The following AGBL4 variants were observed in gnomAD, a reference collection of about 807,000 sequenced individuals.
The protein encoded by AGBL4 is AGBL carboxypeptidase 4, also known as cytosolic carboxypeptidase 6.
Under a neutral mutation model 66.4 loss-of-function variants are expected in AGBL4, and 58 were observed. That is an observed-to-expected ratio of 0.87 (90% confidence interval 0.71 to 1.09). The LOEUF is 1.09. AGBL4 is among the 50% of genes least tolerant of loss of function. The probability of loss-of-function intolerance (pLI) is 0.00; values close to 1 mark genes in which losing one functional copy is unlikely to be tolerated. For missense variants in AGBL4, 579 were observed against 631.0 expected (o/e 0.92, Z 0.88); for synonymous variants, 234 against 222.9 (o/e 1.05, Z -0.44).
chr1:49,591,221 CA>C (rs958834271), intron 3 of AGBL4, among the ~76,000 whole-genome samples: 39 of 150,532 alleles, frequency 2.6e-4, no homozygotes, highest in Non-Finnish European at 4.9e-4. Context: ...TCAATGAAAC[CA>C]AAAGTTGTTT....
chr1:49,600,477 A>G (rs1264089418), intron 3 of AGBL4, among the ~76,000 whole-genome samples: 1 of 151,978 alleles, frequency 6.6e-6, no homozygotes, highest in Non-Finnish European at 1.5e-5. Context: ...ATATTCCTCC[A>G]CCAATTATTT....
chr1:49,326,751 G>GA (rs1440923301), intron 3 of AGBL4, among the ~76,000 whole-genome samples: 1 of 152,056 alleles, frequency 6.6e-6, no homozygotes, highest in Non-Finnish European at 1.5e-5. Flanking sequence ...TTTACATTAG[G>GA]AAAAATAGAA....
At chr1:49,602,266 C>A (rs1435268779) in intron 3 of AGBL4, among the ~76,000 whole-genome samples, 2 of 152,196 alleles carry the variant, frequency 1.3e-5, no homozygotes, top group South Asian at 4.2e-4. Flanking sequence ...TTAGTTCAAC[C>A]ATTGTGGAGG....
At chr1:49,511,006 G>GTATATACA (rs1418650690) in intron 3 of AGBL4, among the ~76,000 whole-genome samples, 1 of 151,852 alleles carries the variant, frequency 6.6e-6, no homozygotes, top group Non-Finnish European at 1.5e-5. Context: ...ATAGTTTGAA[G>GTATATACA]TCAGGTAGTG....
chr1:48,534,114 A>G lies in AGBL4; in HGVS notation c.*59T>C, dbSNP rs1643931782. 1.3e-6 allele frequency: 2 copies of G among 1,550,442 alleles called. No individual in the cohort carries two copies. The highest frequency in any genetic ancestry group is 2.0e-5 in the Admixed American group (1 of 50,984). ...AAGCTAGAGAAGAGTGATTAATTTC[A>G]TTCCCCAGCAGAAAATGCATGCTCC... On this transcript the variant is annotated 3_prime_UTR_variant, in exon 14 of 14. Transcript: ENST00000371839.
chr1:49,068,025 C>G (rs948865977), intron 4 of AGBL4, among the ~76,000 whole-genome samples: 6 of 151,634 alleles, frequency 4.0e-5, no homozygotes, highest in Non-Finnish European at 7.4e-5. Flanking sequence ...GAGGGAGGCA[C>G]TCAGTACCTA....
At chr1:49,724,342 T>G (rs1648847125) in intron 2 of AGBL4, among the ~76,000 whole-genome samples, 1 of 152,194 alleles carries the variant, frequency 6.6e-6, no homozygotes, top group African/African-American at 2.4e-5. Context: ...AAATACTTGC[T>G]CCACAAGTAT....
intron 3 of AGBL4, among the ~76,000 whole-genome samples, chr1:49,496,236 CTT>C (rs967941008): frequency 6.6e-5 from 10 of 151,594 alleles, no homozygotes; most frequent in Non-Finnish European, 1.3e-4. Context: ...AAAATGGAGT[CTT>C]TTTTTTCAAT....
rs538607278 is a variant in AGBL4, at chr1:49,735,998, GA to G, written c.158-38562del. Reference sequence around the variant, plus strand: ...CTGAAATCTCCAATCTAGCAACAGAGAAAAAAAATGAAAAAAATTTAATAGA... The same window carrying G: ...CTGAAATCTCCAATCTAGCAACAGAGAAAAAAATGAAAAAAATTTAATAGA... On this transcript the variant is annotated intron_variant, in intron 2 of 13. Coordinates refer to ENST00000371839, the MANE Select transcript of AGBL4 (RefSeq NM_032785.4). Among the ~76,000 whole-genome samples, 54 of 150,384 alleles carry G rather than the reference GA, an allele frequency of 3.6e-4. 1 individual carries two copies. The South Asian group carries it at 9.7e-3, about 27-fold the overall frequency.
intron 12 of AGBL4, among the ~76,000 whole-genome samples, chr1:48,535,283 G>A (rs1452772366): frequency 6.6e-6 from 1 of 152,082 alleles, no homozygotes; most frequent in Non-Finnish European, 1.5e-5. Flanking sequence ...CTCTGCAGAG[G>A]CTGTTTCCTT....
chr1:49,921,666 C>T (rs1000306235), intron 1 of AGBL4, among the ~76,000 whole-genome samples: 13 of 152,132 alleles, frequency 8.5e-5, no homozygotes, highest in South Asian at 2.1e-4. Context: ...AAACCACTAG[C>T]GTTAAGTCCA....
At chr1:49,115,879 G>A (rs1487199647) in intron 4 of AGBL4, among the ~76,000 whole-genome samples, 1 of 152,060 alleles carries the variant, frequency 6.6e-6, no homozygotes, top group Non-Finnish European at 1.5e-5. Flanking sequence ...TAATGTGTCG[G>A]TGGCTGGGGA....
chr1:49,211,414 G>T (rs1386263593), intron 4 of AGBL4, among the ~76,000 whole-genome samples: 4 of 152,038 alleles, frequency 2.6e-5, no homozygotes, highest in African/African-American at 9.7e-5. Context: ...TTGTCAACAG[G>T]ATCACAACAA....
intron 3 of AGBL4, among the ~76,000 whole-genome samples, chr1:49,525,904 G>A (rs1212931886): frequency 1.3e-5 from 2 of 151,714 alleles, no homozygotes; most frequent in African/African-American, 4.8e-5. Context: ...TGGCTAACAC[G>A]GTGAAACCCC....
chr1:49,156,514 C>T (rs185860553), intron 4 of AGBL4, among the ~76,000 whole-genome samples: 22 of 152,132 alleles, frequency 1.4e-4, no homozygotes, highest in Non-Finnish European at 1.9e-4. Context: ...CAAGCTGTAG[C>T]GCTATAGACA....
At chr1:48,588,266 T>C (rs1410753373) in intron 10 of AGBL4, among the ~76,000 whole-genome samples, 1 of 152,220 alleles carries the variant, frequency 6.6e-6, no homozygotes, top group Admixed American at 6.5e-5. Context: ...GGATCATGGC[T>C]GCTTCTTTAC....
intron 9 of AGBL4, among the ~76,000 whole-genome samples, chr1:48,595,510 T>C (rs537961080): frequency 6.6e-6 from 1 of 152,302 alleles, no homozygotes; most frequent in Admixed American, 6.5e-5. Flanking sequence ...AATTTGGGAA[T>C]GAGAATAGAA....
chr1:48,566,882 G>C (rs1047669418), intron 11 of AGBL4, among the ~76,000 whole-genome samples: 2 of 152,150 alleles, frequency 1.3e-5, no homozygotes. Flanking sequence ...TAATCTCAGT[G>C]CTTTGGGAGG....
intron 4 of AGBL4, among the ~76,000 whole-genome samples, chr1:49,198,010 G>A (rs1201390861): frequency 1.3e-5 from 2 of 152,104 alleles, no homozygotes; most frequent in East Asian, 1.9e-4. Context: ...ACCCAGCTCT[G>A]GGAAAACATT....
Sources: allele counts gnomAD v4.1 joint callset (sites outside exome capture counted in the v4.1 genomes callset), GRCh38; gene constraint gnomAD v4.1.1; transcripts MANE v1.5; gene names NCBI Gene and HGNC (gene_info 2026-07-23, HGNC 2026-07-21).